RFC3: variants seen among roughly 807,000 people sequenced by gnomAD.
RFC3 encodes the protein replication factor C subunit 3.
Under a neutral mutation model 45.1 loss-of-function variants are expected in RFC3, and 41 were observed. The observed-to-expected ratio is 0.91, with a 90% CI of 0.71 to 1.18. The LOEUF (loss-of-function observed/expected upper bound fraction) is 1.18. Ranked by LOEUF, RFC3 falls within the 50% of genes most tolerant of loss-of-function variation. RFC3 has a pLI of 0.00. For synonymous variants in RFC3, 149 were observed against 144.0 expected (o/e 1.03, Z -0.25); for missense variants, 423 against 428.1 (o/e 0.99, Z 0.10).
Position 33,818,588 on chromosome 13 carries a change from T to G in RFC3, c.87+323T>G, listed in dbSNP as rs573071706. On this transcript the variant is annotated intron_variant, in intron 1 of 8. Transcript: ENST00000380071. ...GGGCAGGGATGTGCACGGCATGTTC[T>G]AAGAACCTCAGGAGGCCGGCGTAGC... 1.1e-4 allele frequency among the ~76,000 whole-genome samples: 16 copies of G among 152,326 alleles called. 1 individual carries two copies. The South Asian group carries it at 2.1e-3, about 20-fold the overall frequency.
At chr13:33,874,582 G>C (rs571408954) in intron 8 of RFC3, among the ~76,000 whole-genome samples, 2 of 152,348 alleles carry the variant, frequency 1.3e-5, no homozygotes, top group African/African-American at 4.8e-5. Context: ...GCCTCCCAAA[G>C]TTGTGGGATT....
intron 8 of RFC3, among the ~76,000 whole-genome samples, chr13:33,955,948 T>A (rs2083019245): frequency 6.6e-6 from 1 of 152,234 alleles, no homozygotes; most frequent in Non-Finnish European, 1.5e-5. Flanking sequence ...AAAGTGTTGG[T>A]TAATAATGCA....
downstream of RFC3, among the ~76,000 whole-genome samples, chr13:33,969,658 C>T (rs149539330): frequency 3.6e-3 from 544 of 152,218 alleles, 4 homozygotes; most frequent in African/African-American, 0.011. Context: ...TAGAAAGATT[C>T]GACCTGAAAG....
At chr13:33,863,819 A>G (rs986958794) in intron 8 of RFC3, among the ~76,000 whole-genome samples, 6 of 152,186 alleles carry the variant, frequency 3.9e-5, no homozygotes, top group Non-Finnish European at 8.8e-5. Flanking sequence ...TCAGAGTTCT[A>G]CTGGGCATGG....
At position 33,948,560 on chromosome 13, in the gene RFC3, C is replaced by T. The variant is rs1242994358; in HGVS notation, c.880-17527C>T. Reference sequence around the variant, plus strand: ...TCCAGACCCCAGAATTATCAATCCACCAACAGCTTGCCCTGCATGCCTGGA... The same window carrying T: ...TCCAGACCCCAGAATTATCAATCCATCAACAGCTTGCCCTGCATGCCTGGA... On this transcript the variant is annotated intron_variant, in intron 8 of 8. Coordinates refer to the RFC3 transcript ENST00000434425. Among the ~76,000 whole-genome samples, 3 of 152,200 alleles carry T rather than the reference C, an allele frequency of 2.0e-5. No homozygotes were observed. In the East Asian group the frequency reaches 5.8e-4, roughly 29 times the overall value.
chr13:33,961,136 T>C (rs1324282956), intron 8 of RFC3, among the ~76,000 whole-genome samples: 10 of 152,076 alleles, frequency 6.6e-5, no homozygotes, highest in Admixed American at 6.5e-4. Context: ...TTTTACTGAG[T>C]GTCCTGGATT....
In RFC3 at chr13:33,944,986, G is replaced by T. The variant is rs76967901; in HGVS notation, c.880-21101G>T. ...GGGCTCCCAGGCATAACACATTTTT[G>T]TTTTTGTTGTTATTCCTCTCATCTT... On this transcript the variant is annotated intron_variant, in intron 8 of 8. Transcript: ENST00000434425. 2.6e-5 allele frequency among the ~76,000 whole-genome samples: 4 copies of T among 152,238 alleles called. No homozygotes were observed. In the East Asian group the frequency reaches 7.7e-4, roughly 29 times the overall value.
chr13:33,963,091 T>G (rs1232296112), intron 8 of RFC3, among the ~76,000 whole-genome samples: 1 of 152,068 alleles, frequency 6.6e-6, no homozygotes, highest in African/African-American at 2.4e-5. Flanking sequence ...GTAGTGGTAT[T>G]ACAGGTTTTT....
chr13:33,972,200 T>C, the RFC3 span, among the ~76,000 whole-genome samples: 2 of 152,272 alleles, frequency 1.3e-5, no homozygotes, highest in African/African-American at 4.8e-5. Context: ...AAATTATGTT[T>C]TTGAACTTTT....
chr13:33,972,244 A>G, the RFC3 span, among the ~76,000 whole-genome samples: 2 of 152,138 alleles, frequency 1.3e-5, no homozygotes, highest in Non-Finnish European at 2.9e-5. Flanking sequence ...TAAAATATTC[A>G]AATCTTAGTT....
At chr13:33,845,364 A>G (rs570350434) in intron 8 of RFC3, among the ~76,000 whole-genome samples, 1 of 132,674 alleles carries the variant, frequency 7.5e-6, no homozygotes, top group Non-Finnish European at 1.9e-5. Context: ...TAAACTTTCT[A>G]CCTCTATATC....
At chr13:33,910,102 T>A (rs1164807659) in intron 8 of RFC3, among the ~76,000 whole-genome samples, 1 of 152,132 alleles carries the variant, frequency 6.6e-6, no homozygotes, top group Non-Finnish European at 1.5e-5. Context: ...TATTATTGCA[T>A]CTTTGACTAC....
intron 8 of RFC3, among the ~76,000 whole-genome samples, chr13:33,882,294 A>G (rs7139564): frequency 0.11 from 16,130 of 152,232 alleles, 1,696 homozygotes; most frequent in African/African-American, 0.25. Flanking sequence ...GGAGGGGGTT[A>G]TATAGTTCTG....
intron 8 of RFC3, among the ~76,000 whole-genome samples, chr13:33,950,035 TTCTC>T (rs913435407): frequency 1.4e-5 from 2 of 144,626 alleles, no homozygotes; most frequent in African/African-American, 5.1e-5. Context: ...TCTCTCTGCT[TTCTC>T]TCTCTCTTTC....
chr13:33,885,769 G>T (rs2082517232), intron 8 of RFC3, among the ~76,000 whole-genome samples: 1 of 152,114 alleles, frequency 6.6e-6, no homozygotes, highest in Non-Finnish European at 1.5e-5. Context: ...TTTGGTTCTG[G>T]AGACCAAAAG....
downstream of RFC3, among the ~76,000 whole-genome samples, chr13:33,970,700 G>A (rs1427568211): frequency 6.6e-6 from 1 of 152,216 alleles, no homozygotes; most frequent in Non-Finnish European, 1.5e-5. Context: ...AACTGACTTC[G>A]TTTGGGTGGG....
rs768181390 is a variant in RFC3 at position 33,872,589 on chromosome 13, C to T, written c.879+37372C>T. Among the ~76,000 whole-genome samples, 96 of 151,992 alleles carry T rather than the reference C, an allele frequency of 6.3e-4. 1 individual carries two copies. Among genetic ancestry groups the T allele is most frequent in the Admixed American group, 4.6e-4 (7 of 15,256 alleles). ...TCTCTACTAAAAATACAAAATTAGCCGGGCCTGGTGGCACACGCCTGTAAT... is the reference window on the plus strand; with the variant it reads ...TCTCTACTAAAAATACAAAATTAGCTGGGCCTGGTGGCACACGCCTGTAAT... On this transcript the variant is annotated intron_variant, in intron 8 of 8. Transcript: ENST00000434425.
At chr13:33,939,877 TC>T (rs978249696) in intron 8 of RFC3, among the ~76,000 whole-genome samples, 1 of 152,108 alleles carries the variant, frequency 6.6e-6, no homozygotes, top group African/African-American at 2.4e-5. Flanking sequence ...GTCATAATTT[TC>T]TCTTGTCTTT....
At chr13:33,825,685 A>G in intron 3 of RFC3, 104 bp from the exon 4 acceptor site, 1 of 503,950 alleles carries the variant, frequency 2.0e-6, no homozygotes. Context: ...TAGTTAAGTG[A>G]TATTAATTTT....
Sources: allele counts gnomAD v4.1 joint callset (sites outside exome capture counted in the v4.1 genomes callset), GRCh38; gene constraint gnomAD v4.1.1; transcripts MANE v1.5; gene names NCBI Gene and HGNC (gene_info 2026-07-23, HGNC 2026-07-21).